The following DPP10 variants were observed in gnomAD, a reference collection of about 807,000 sequenced individuals.
DPP10 encodes inactive dipeptidyl peptidase 10.
In DPP10, 33 loss-of-function variants were observed where a neutral mutation model predicts 120.9. The ratio of observed to expected loss-of-function variants is 0.27; its 90% CI spans 0.21 to 0.37. The LOEUF is 0.37. Ranked by LOEUF, DPP10 falls within the 10% of genes least tolerant of loss-of-function variation. DPP10 has a pLI of 1.00. For synonymous variants in DPP10, 337 were observed against 326.1 expected (o/e 1.03, Z -0.36); for missense variants, 816 against 942.8 (o/e 0.87, Z 1.76).
chr2:115,269,841 A>G (rs2059614437), intron 1 of DPP10, among the ~76,000 whole-genome samples: 1 of 152,064 alleles, frequency 6.6e-6, no homozygotes, highest in Non-Finnish European at 1.5e-5. Flanking sequence ...ACTCCCTTAG[A>G]AGCTGCCTAT....
chr2:114,972,997 A>G (rs532774393), intron 1 of DPP10, among the ~76,000 whole-genome samples: 1 of 152,262 alleles, frequency 6.6e-6, no homozygotes, highest in South Asian at 2.1e-4. Context: ...TTTGCATTGC[A>G]TTTTGTAATT....
intron 1 of DPP10, among the ~76,000 whole-genome samples, chr2:115,256,614 C>T (rs1050135449): frequency 2.0e-5 from 3 of 152,158 alleles, no homozygotes; most frequent in Non-Finnish European, 2.9e-5. Flanking sequence ...GAGTGGATAC[C>T]TGGAAGACTG....
intron 3 of DPP10, among the ~76,000 whole-genome samples, chr2:115,445,895 G>C (rs1462781422): frequency 6.6e-6 from 1 of 152,174 alleles, no homozygotes; most frequent in Admixed American, 6.5e-5. Context: ...GGGAAAAATG[G>C]TTTTGTAAGA....
chr2:114,981,976 C>A (rs562618923), intron 1 of DPP10, among the ~76,000 whole-genome samples: 2 of 151,860 alleles, frequency 1.3e-5, no homozygotes, highest in Admixed American at 1.3e-4. Flanking sequence ...CTCACTACAA[C>A]TTCCACCTCC....
intron 17 of DPP10, among the ~76,000 whole-genome samples, chr2:115,785,038 T>C (rs72951977): frequency 1.5e-4 from 23 of 152,334 alleles, no homozygotes; most frequent in African/African-American, 5.3e-4. Context: ...CACTTTTAAC[T>C]CTCAATTCTT....
At chr2:115,511,454 A>C (rs1271709445) in intron 4 of DPP10, among the ~76,000 whole-genome samples, 1 of 151,582 alleles carries the variant, frequency 6.6e-6, no homozygotes, top group Non-Finnish European at 1.5e-5. Flanking sequence ...GAATCTTGTT[A>C]TTTTTTCTCA....
chr2:114,501,990 T>G (rs1158551022), intron 1 of DPP10, among the ~76,000 whole-genome samples: 1 of 148,056 alleles, frequency 6.8e-6, no homozygotes, highest in Non-Finnish European at 1.5e-5. Flanking sequence ...GGCTGGAGTG[T>G]AGTGGTGCAA....
At chr2:115,462,557 A>G (rs886320850) in intron 3 of DPP10, among the ~76,000 whole-genome samples, 1 of 152,296 alleles carries the variant, frequency 6.6e-6, no homozygotes, top group South Asian at 2.1e-4. Flanking sequence ...CCTCTTCAAT[A>G]GCAATTATAG....
chr2:115,587,120 C>T (rs1427350125), intron 5 of DPP10, among the ~76,000 whole-genome samples: 3 of 104,696 alleles, frequency 2.9e-5, no homozygotes, highest in African/African-American at 1.2e-4. Context: ...TCTTTTGAGA[C>T]GGATTCTCAC....
At chr2:115,397,220 T>C (rs1391775224) in intron 3 of DPP10, among the ~76,000 whole-genome samples, 2 of 152,166 alleles carry the variant, frequency 1.3e-5, no homozygotes, top group Admixed American at 6.6e-5. Flanking sequence ...AAGTTAGTCA[T>C]GTTTGAGTTG....
intron 1 of DPP10, among the ~76,000 whole-genome samples, chr2:115,122,903 G>A (rs2049896292): frequency 6.6e-6 from 1 of 152,148 alleles, no homozygotes; most frequent in Non-Finnish European, 1.5e-5. Flanking sequence ...TGTGAGATCA[G>A]CTGAGAACAA....
At chr2:115,755,911 A>G (rs141902358) in intron 11 of DPP10, among the ~76,000 whole-genome samples, 1,753 of 141,436 alleles carry the variant, frequency 0.012, 15 homozygotes, top group Middle Eastern at 0.039. Context: ...TAAAAAGTAT[A>G]TATGTATGCT....
intron 7 of DPP10, among the ~76,000 whole-genome samples, chr2:115,726,963 C>A (rs6724575): frequency 0.025 from 3,752 of 152,106 alleles, 145 homozygotes; most frequent in African/African-American, 0.086. Flanking sequence ...GTTGTGCTTC[C>A]CCTAACCAAA....
At chr2:114,465,072 A>G (rs997954030) in intron 1 of DPP10, among the ~76,000 whole-genome samples, 4 of 152,164 alleles carry the variant, frequency 2.6e-5, no homozygotes, top group Non-Finnish European at 4.4e-5. Flanking sequence ...TGCGTTCTGT[A>G]TAGAGTACAA....
At chr2:114,763,639 T>A (rs1369323700) in intron 1 of DPP10, among the ~76,000 whole-genome samples, 3 of 152,166 alleles carry the variant, frequency 2.0e-5, no homozygotes, top group Non-Finnish European at 4.4e-5. Flanking sequence ...TTGGAAAGAA[T>A]CTGGTAGTGT....
At chr2:115,293,726 G>A (rs894631053) in intron 1 of DPP10, among the ~76,000 whole-genome samples, 4 of 151,880 alleles carry the variant, frequency 2.6e-5, no homozygotes, top group Admixed American at 2.0e-4. Flanking sequence ...TTTTTTAATG[G>A]AAGAGAATGA....
In DPP10 at chr2:114,775,474, A is replaced by G. The variant is rs1681645025; in HGVS notation, c.60+332636A>G. ...ACACTAAAGCCATGCACAGCAACTC[A>G]AGGGTCAGCATTTTTGTCCCACTTC... On this transcript the variant is annotated intron_variant, in intron 1 of 25. Coordinates refer to ENST00000410059, the MANE Select transcript of DPP10 (RefSeq NM_020868.6). Among the ~76,000 whole-genome samples the G allele has an allele frequency of 2.0e-5, 3 of 152,118 alleles. 1 individual carries two copies. Among genetic ancestry groups the G allele is most frequent in the Admixed American group, 1.3e-4 (2 of 15,256 alleles).
At chr2:115,191,567 A>G (rs1034989601) in intron 1 of DPP10, among the ~76,000 whole-genome samples, 13 of 152,228 alleles carry the variant, frequency 8.5e-5, no homozygotes, top group African/African-American at 3.1e-4. Context: ...AATAGAATAG[A>G]TGAAAGAGAG....
At chr2:115,181,957 A>G (rs1573920031) in intron 1 of DPP10, among the ~76,000 whole-genome samples, 2 of 152,242 alleles carry the variant, frequency 1.3e-5, no homozygotes, top group East Asian at 3.8e-4. Context: ...ACCGTTAGCC[A>G]TAATCTATCA....
Sources: allele counts gnomAD v4.1 joint callset (sites outside exome capture counted in the v4.1 genomes callset), GRCh38; gene constraint gnomAD v4.1.1; transcripts MANE v1.5; gene names NCBI Gene and HGNC (gene_info 2026-07-23, HGNC 2026-07-21).